Variants in PRRX2 observed in about 807,000 individuals in gnomAD.
PRRX2 encodes the protein paired related homeobox 2.
Under a neutral mutation model 18.0 loss-of-function variants are expected in PRRX2, and 11 were observed. The observed-to-expected ratio is 0.61, with a 90% CI of 0.39 to 1.01. PRRX2 has a LOEUF of 1.01. Among genes scored for constraint, PRRX2 ranks in the 50% least tolerant of loss-of-function variants. The pLI is 0.01. For synonymous variants in PRRX2, 177 were observed against 154.8 expected, an observed-to-expected ratio of 1.14 and a Z score of -1.06; for missense variants, 387 against 351.0, an observed-to-expected ratio of 1.10 and a Z score of -0.82.
chr9:129,703,168 G>T (rs1686242366), intron 1 of PRRX2, among the ~76,000 whole-genome samples: 1 of 152,260 alleles, frequency 6.6e-6, no homozygotes, highest in African/African-American at 2.4e-5. Flanking sequence ...GTGGGGCACA[G>T]CAGCTGGTGG....
chr9:129,704,988 C>T (rs535713006), intron 1 of PRRX2, among the ~76,000 whole-genome samples: 7 of 152,290 alleles, frequency 4.6e-5, no homozygotes, highest in South Asian at 4.1e-4. Context: ...CCGATACCAG[C>T]GCCTTATTAA....
chr9:129,703,770 T>C (rs1253464823), intron 1 of PRRX2, among the ~76,000 whole-genome samples: 1 of 152,170 alleles, frequency 6.6e-6, no homozygotes, highest in Non-Finnish European at 1.5e-5. Flanking sequence ...AGGACGCCAT[T>C]GGAGCTTTGC....
chr9:129,714,219 C>T lies in PRRX2; in HGVS notation c.260-5012C>T, dbSNP rs558684604. Among the ~76,000 whole-genome samples, 4 of 151,722 alleles carry T rather than the reference C, an allele frequency of 2.6e-5. No homozygotes were observed. In the South Asian group the frequency reaches 8.3e-4, roughly 32 times the overall value. On this transcript the variant is annotated intron_variant, in intron 1 of 3. Transcript: ENST00000372469. ...ACTCGAGAGGCTGAGGTAGGAGAAT[C>T]GCTTGAACCCAGGAGCCGGAGGTTG...
intron 1 of PRRX2, among the ~76,000 whole-genome samples, chr9:129,713,665 T>A (rs1263423414): frequency 6.6e-6 from 1 of 151,660 alleles, no homozygotes; most frequent in Non-Finnish European, 1.5e-5. Flanking sequence ...AATTTCACTC[T>A]TGTTGCCCAG....
At chr9:129,720,438 C>T (rs34242443) in intron 2 of PRRX2, among the ~76,000 whole-genome samples, 158 bp from the exon 3 acceptor site, 3,261 of 152,316 alleles carry the variant, frequency 0.021, 56 homozygotes, top group Middle Eastern at 0.075. Context: ...CAGCAGCAGG[C>T]GTCATTTGTC....
intron 1 of PRRX2, among the ~76,000 whole-genome samples, chr9:129,711,700 C>T (rs912235495): frequency 3.9e-5 from 6 of 152,052 alleles, no homozygotes; most frequent in Non-Finnish European, 7.4e-5. Flanking sequence ...TGAGCCACGG[C>T]GCCCGGCCTC....
At chr9:129,712,669 C>T (rs1047989421) in intron 1 of PRRX2, among the ~76,000 whole-genome samples, 1 of 152,176 alleles carries the variant, frequency 6.6e-6, no homozygotes, top group Non-Finnish European at 1.5e-5. Flanking sequence ...CCTCCCCCAT[C>T]TGAGCTCGTT....
At chr9:129,678,235 G>T (rs1038988883) in intron 1 of PRRX2, among the ~76,000 whole-genome samples, 8 of 152,108 alleles carry the variant, frequency 5.3e-5, no homozygotes, top group African/African-American at 1.9e-4. Context: ...AAGTGCTGGG[G>T]TTACAAGCGT....
chr9:129,701,767 T>C (rs764157790), intron 1 of PRRX2, among the ~76,000 whole-genome samples: 3 of 152,220 alleles, frequency 2.0e-5, no homozygotes, highest in African/African-American at 4.8e-5. Context: ...TAAACAGATA[T>C]GCTGTTGTCG....
intron 1 of PRRX2, among the ~76,000 whole-genome samples, chr9:129,668,291 A>T (rs980158672): frequency 1.3e-5 from 2 of 151,984 alleles, no homozygotes; most frequent in African/African-American, 4.8e-5. Flanking sequence ...CCCATCATCG[A>T]CCCTTTGAAA....
At chr9:129,668,511 C>T (rs1030772544) in intron 1 of PRRX2, among the ~76,000 whole-genome samples, 17 of 152,086 alleles carry the variant, frequency 1.1e-4, no homozygotes, top group Non-Finnish European at 2.2e-4. Flanking sequence ...GGGGCGGTGG[C>T]TCACACCTGT....
At chr9:129,686,033 A>T (rs1003060083) in intron 1 of PRRX2, among the ~76,000 whole-genome samples, 1 of 152,216 alleles carries the variant, frequency 6.6e-6, no homozygotes, top group Non-Finnish European at 1.5e-5. Flanking sequence ...AGGTGGGAAA[A>T]GTCTTCCAGC....
At chr9:129,692,908 G>C (rs1311170305) in intron 1 of PRRX2, among the ~76,000 whole-genome samples, 2 of 152,162 alleles carry the variant, frequency 1.3e-5, no homozygotes, top group Non-Finnish European at 2.9e-5. Flanking sequence ...ATTTGGGTAG[G>C]AACCAAGGAG....
chr9:129,684,461 C>CACACACAA (rs1382196160), intron 1 of PRRX2, among the ~76,000 whole-genome samples: 1 of 132,212 alleles, frequency 7.6e-6, no homozygotes, highest in African/African-American at 2.8e-5. Flanking sequence ...CACACACACC[C>CACACACAA]AACAGAAAAG....
intron 2 of PRRX2, among the ~76,000 whole-genome samples, chr9:129,720,156 A>G (rs1433896928): frequency 6.6e-6 from 1 of 151,868 alleles, no homozygotes; most frequent in African/African-American, 2.4e-5. Flanking sequence ...GCGAGTCCTC[A>G]GCAAGCGCCT....
intron 1 of PRRX2, among the ~76,000 whole-genome samples, chr9:129,667,861 C>T (rs1001204232): frequency 6.6e-6 from 1 of 152,170 alleles, no homozygotes; most frequent in African/African-American, 2.4e-5. Flanking sequence ...AGTGGGTCTC[C>T]CCAGCAGCTC....
intron 2 of PRRX2, among the ~76,000 whole-genome samples, chr9:129,720,217 C>CCCTCTCCCCGCGAGTGCTCAGCAAGAG (rs1832771493): frequency 7.1e-6 from 1 of 141,416 alleles, no homozygotes; most frequent in Admixed American, 7.1e-5. Context: ...CTCAGCAAGC[C>CCCTCTCCCCGCGAGTGCTCAGCAAGAG]CCTCTCCCCG....
At chr9:129,699,902 C>T (rs1832473160) in intron 1 of PRRX2, among the ~76,000 whole-genome samples, 2 of 152,180 alleles carry the variant, frequency 1.3e-5, no homozygotes, top group East Asian at 1.9e-4. Context: ...GAGACCTCAG[C>T]GTGCCAGGCA....
intron 1 of PRRX2, among the ~76,000 whole-genome samples, chr9:129,672,299 G>T (rs187713885): frequency 1.3e-5 from 2 of 152,202 alleles, no homozygotes; most frequent in African/African-American, 4.8e-5. Context: ...GGGAAGCCTC[G>T]TGGGCACAGC....
Sources: gnomAD v4.1 joint callset for allele counts (sites outside exome capture counted in the v4.1 genomes callset) on GRCh38, gnomAD v4.1.1 for gene constraint, MANE v1.5 for transcripts, NCBI Gene and HGNC (gene_info 2026-07-23, HGNC 2026-07-21) for gene names.